DOCK11: variants seen among roughly 807,000 people sequenced by gnomAD.
DOCK11 encodes the protein dedicator of cytokinesis 11, also known as dedicator of cytokinesis protein 11.
A neutral mutation model predicts 169.1 loss-of-function variants in DOCK11; 70 were observed. The observed-to-expected ratio is 0.41, with a 90% confidence interval of 0.34 to 0.51. The LOEUF (loss-of-function observed/expected upper bound fraction) is 0.51. Ranked by LOEUF, DOCK11 falls within the 20% of genes least tolerant of loss-of-function variation. DOCK11 has a pLI of 0.10. For synonymous variants in DOCK11, 529 were observed against 541.3 expected (o/e 0.98, Z 0.32); for missense variants, 1,166 against 1,538.8 (o/e 0.76, Z 4.05).
At chrX:118,614,592 T>C in intron 28 of DOCK11, 100 bp from the exon 29 acceptor site, 1 of 606,475 alleles carries the variant, frequency 1.6e-6, no homozygotes, top group Non-Finnish European at 2.6e-6. Context: ...GTCTTTCTTT[T>C]TGTGTGGAAC....
chrX:118,601,944 A>AT (rs55740749), intron 23 of DOCK11, among the ~76,000 whole-genome samples: 5,030 of 95,021 alleles, frequency 0.053, 134 homozygotes, highest in East Asian at 0.11. Flanking sequence ...TGCCCAGCTA[A>AT]TTTTTTTTTT....
chrX:118,676,966 C>T (rs1027215161), intron 48 of DOCK11, among the ~76,000 whole-genome samples: 5 of 111,488 alleles, frequency 4.5e-5, no homozygotes, highest in Non-Finnish European at 9.4e-5. Flanking sequence ...CTCTGTGCTT[C>T]ATCGTTCTTA....
intron 44 of DOCK11, among the ~76,000 whole-genome samples, chrX:118,657,135 A>T (rs951804065): frequency 8.9e-6 from 1 of 111,846 alleles, no homozygotes; most frequent in East Asian, 2.8e-4. Flanking sequence ...CTTTAGAAAT[A>T]TAATTTCTTG....
intron 40 of DOCK11, among the ~76,000 whole-genome samples, chrX:118,643,892 T>C (rs1462248187): frequency 8.9e-6 from 1 of 112,053 alleles, no homozygotes; most frequent in Non-Finnish European, 1.9e-5. Context: ...TTGCTTCTTT[T>C]TAAAAGTATT....
At chrX:118,524,466 A>T (rs752224960) in intron 1 of DOCK11, among the ~76,000 whole-genome samples, 1 of 111,960 alleles carries the variant, frequency 8.9e-6, no homozygotes, top group South Asian at 3.7e-4. Flanking sequence ...AGAATGGGCA[A>T]AAGTATTTGT....
chrX:118,549,027 G>T (rs375114872), intron 6 of DOCK11, among the ~76,000 whole-genome samples: 1 of 110,515 alleles, frequency 9.0e-6, no homozygotes, highest in East Asian at 2.8e-4. Flanking sequence ...GCTGCCACTT[G>T]TCTCCAGCTA....
intron 38 of DOCK11, among the ~76,000 whole-genome samples, chrX:118,640,189 G>A (rs1443537562): frequency 8.9e-6 from 1 of 112,075 alleles, no homozygotes; most frequent in Non-Finnish European, 1.9e-5. Context: ...TTGCCCAACT[G>A]CGGAAGCTAG....
At chrX:118,665,573 A>T (rs2016320546) in intron 45 of DOCK11, among the ~76,000 whole-genome samples, 1 of 112,394 alleles carries the variant, frequency 8.9e-6, no homozygotes, top group African/African-American at 3.2e-5. Flanking sequence ...CAAAAACTGT[A>T]ATTAGTTTTC....
At chrX:118,655,042 A>G (rs1417502245) in intron 44 of DOCK11, 81 bp downstream of exon 44, 39 of 917,588 alleles carry the variant, frequency 4.3e-5, no homozygotes, top group Non-Finnish European at 5.6e-5. Context: ...AGCTATGAAT[A>G]TGATATAATA....
At chrX:118,662,548 A>G (rs1330094713) in intron 44 of DOCK11, 138 bp from the exon 45 acceptor site, 3 of 401,180 alleles carry the variant, frequency 7.5e-6, no homozygotes, top group Non-Finnish European at 1.3e-5. Context: ...AAATTTTTGT[A>G]AGTGAAAATT....
intron 1 of DOCK11, among the ~76,000 whole-genome samples, chrX:118,522,293 T>C (rs887107297): frequency 9.1e-6 from 1 of 109,839 alleles, no homozygotes; most frequent in Non-Finnish European, 1.9e-5. Flanking sequence ...CACTCCAGCC[T>C]GGGGTCAGAG....
chrX:118,538,556 G>C (rs113091017), intron 1 of DOCK11: 2 of 265,278 alleles, frequency 7.5e-6, no homozygotes, highest in African/African-American at 5.8e-5. Context: ...TCCAAATTTA[G>C]GTTGACGGTT....
At chrX:118,577,490 G>A (rs1050953814) in intron 12 of DOCK11, among the ~76,000 whole-genome samples, 7 of 112,456 alleles carry the variant, frequency 6.2e-5, no homozygotes, top group Non-Finnish European at 1.3e-4. Flanking sequence ...CATAAATGTT[G>A]GAGCCAGAAC....
At chrX:118,568,223 C>T (rs1282677968) in intron 10 of DOCK11, 61 bp downstream of exon 10, 2 of 704,585 alleles carry the variant, frequency 2.8e-6, no homozygotes, top group Non-Finnish European at 4.0e-6. Context: ...TAAACAACAT[C>T]TTTGAAATGT....
rs763131149 is a variant in DOCK11 at position 118,609,958 on chromosome X, T to C, written c.2950-314T>C. On this transcript the variant is annotated intron_variant, in intron 27 of 52. Coordinates refer to ENST00000276202, the MANE Select transcript of DOCK11 (RefSeq NM_144658.4). ...CTGAAATTGAAGTGCATGCATACTT[T>C]GTGTGCCAGGAAAAAAGTAGAATGA... Among the ~76,000 whole-genome samples the C allele has an allele frequency of 3.6e-5, 4 of 112,297 alleles. No individual in the cohort carries two copies. The Admixed American group carries it at 3.8e-4, about 11-fold the overall frequency.
chrX:118,535,602 G>C (rs780216690), intron 1 of DOCK11, among the ~76,000 whole-genome samples: 2 of 111,363 alleles, frequency 1.8e-5, no homozygotes, highest in East Asian at 5.6e-4. Flanking sequence ...TGGGGAGCGA[G>C]GAGGGCTATG....
At chrX:118,538,099 TA>T (rs2011824197) in intron 1 of DOCK11, among the ~76,000 whole-genome samples, 2 of 112,365 alleles carry the variant, frequency 1.8e-5, no homozygotes, top group Non-Finnish European at 3.8e-5. Flanking sequence ...TCTTTTTCAA[TA>T]AATGTTTTCA....
intron 49 of DOCK11, 111 bp downstream of exon 49, chrX:118,680,803 T>A (rs887910064): frequency 1.9e-5 from 13 of 698,966 alleles, no homozygotes; most frequent in Non-Finnish European, 2.5e-5. Context: ...TATTATTTGT[T>A]CTGCTGTTCA....
intron 42 of DOCK11, 48 bp downstream of exon 42, chrX:118,652,125 G>A: frequency 1.1e-6 from 1 of 897,743 alleles, no homozygotes; most frequent in Non-Finnish European, 1.6e-6. Flanking sequence ...TTGCTATCAG[G>A]GAAGTTTAAA....
Sources: allele counts gnomAD v4.1 joint callset (sites outside exome capture counted in the v4.1 genomes callset), GRCh38; gene constraint gnomAD v4.1.1; transcripts MANE v1.5; gene names NCBI Gene and HGNC (gene_info 2026-07-23, HGNC 2026-07-21).